Variants in FIG4 observed in about 807,000 individuals in gnomAD.
FIG4 encodes the protein polyphosphoinositide phosphatase.
A neutral mutation model predicts 118.6 loss-of-function variants in FIG4; 112 were observed. That is an observed-to-expected ratio of 0.94 (90% confidence interval 0.81 to 1.11). The LOEUF (loss-of-function observed/expected upper bound fraction) is 1.11, where lower values mean the gene tolerates loss of function less well. FIG4 is among the 50% of genes least tolerant of loss of function. The probability of loss-of-function intolerance (pLI) is 0.00; values close to 1 mark genes in which losing one functional copy is unlikely to be tolerated. For missense variants in FIG4, 969 were observed against 1,111.7 expected, an observed-to-expected ratio of 0.87 and a Z score of 1.83; for synonymous variants, 369 against 381.2, an observed-to-expected ratio of 0.97 and a Z score of 0.37.
At chr6:109,813,899 A>G (rs1778788240) in intron 22 of FIG4, among the ~76,000 whole-genome samples, 1 of 152,194 alleles carries the variant, frequency 6.6e-6, no homozygotes, top group Non-Finnish European at 1.5e-5. Context: ...AGGATGCTCC[A>G]GCCTCCGTTA....
intron 22 of FIG4, among the ~76,000 whole-genome samples, chr6:109,824,724 C>A (rs1436695276): frequency 1.3e-5 from 2 of 152,252 alleles, no homozygotes; most frequent in African/African-American, 2.4e-5. Flanking sequence ...CCAGTGAGTC[C>A]CTAGCGTGTG....
intron 12 of FIG4, among the ~76,000 whole-genome samples, chr6:109,763,607 A>G (rs1035899961): frequency 6.6e-6 from 1 of 152,242 alleles, no homozygotes; most frequent in Non-Finnish European, 1.5e-5. Flanking sequence ...ATTATTATTC[A>G]TGTGTATAGA....
At chr6:109,808,446 C>T (rs969252845) in intron 22 of FIG4, among the ~76,000 whole-genome samples, 2 of 149,148 alleles carry the variant, frequency 1.3e-5, no homozygotes, top group African/African-American at 4.9e-5. Flanking sequence ...AATATCAACA[C>T]TTGAATGCAT....
At chr6:109,747,968 G>A (rs1415480520) in intron 10 of FIG4, among the ~76,000 whole-genome samples, 1 of 152,038 alleles carries the variant, frequency 6.6e-6, no homozygotes, top group Non-Finnish European at 1.5e-5. Flanking sequence ...TTTTAATGGA[G>A]AGACAGAAAA....
chr6:109,743,297 A>G, intron 9 of FIG4, 25 bp downstream of exon 9: 4 of 1,602,510 alleles, frequency 2.5e-6, no homozygotes, highest in Non-Finnish European at 3.4e-6. Flanking sequence ...GTTTTTAATA[A>G]TAACTCCTGT....
chr6:109,732,645 G>A lies in FIG4; in HGVS notation c.455G>A (p.Arg152Gln). ...TGTTTTTTTTTTTTTAGGTATCTAC[G>A]AATATTTCAAAATGTGGACCTATCT... ...VTHPDEARYLRIFQNVDLSSN... is the reference protein window; with the variant it reads ...VTHPDEARYLQIFQNVDLSSN... Residue 152 changes from arginine (R) to glutamine (Q), a missense_variant, in exon 5 of 23, where the codon CGA becomes CAA. Physicochemically the swap from Arg to Gln is conservative, Grantham distance 43 (BLOSUM62 1). This residue lies in a region of FIG4 where 393 missense variants were observed against 409.4 expected (regional missense o/e 0.96). Transcript: ENST00000230124. 1.4e-6 allele frequency: 2 copies of A among 1,419,022 alleles called. No homozygotes were observed. The highest frequency in any genetic ancestry group is 1.4e-5 in the African/African-American group (1 of 69,970). The allele number at this position is 1,419,022 out of a possible 1,614,324, so 87.9% of individuals were successfully genotyped here. A position where few individuals can be genotyped will look rare whatever the true frequency, so the allele number is the denominator to read the frequency against.
At chr6:109,751,840 T>C (rs1376408479) in intron 10 of FIG4, among the ~76,000 whole-genome samples, 1 of 151,640 alleles carries the variant, frequency 6.6e-6, no homozygotes, top group African/African-American at 2.4e-5. Flanking sequence ...TTTTTCTTTT[T>C]TTTTATTATT....
intron 22 of FIG4, among the ~76,000 whole-genome samples, chr6:109,808,223 G>A (rs1778622247): frequency 6.6e-6 from 1 of 152,016 alleles, no homozygotes; most frequent in African/African-American, 2.4e-5. Context: ...AAGGTGGTCT[G>A]CAAAACCCTC....
chr6:109,799,838 C>T (rs1405627682), intron 22 of FIG4, among the ~76,000 whole-genome samples: 1 of 152,144 alleles, frequency 6.6e-6, no homozygotes, highest in Non-Finnish European at 1.5e-5. Flanking sequence ...CCAAACTGGT[C>T]AATGTCTGTA....
intron 15 of FIG4, among the ~76,000 whole-genome samples, chr6:109,771,800 CT>C (rs1777473537): frequency 6.6e-6 from 1 of 152,052 alleles, no homozygotes; most frequent in Non-Finnish European, 1.5e-5. Context: ...GAAACCTTGC[CT>C]TTTTCTTTGA....
At position 109,790,821 on chromosome 6, in the gene FIG4, A is replaced by G. The variant is rs143269541; in HGVS notation, c.2181-555A>G. On this transcript the variant is annotated intron_variant, in intron 19 of 22. Coordinates refer to ENST00000230124, the MANE Select transcript of FIG4 (RefSeq NM_014845.6). The stretch of plus-strand genomic sequence containing the variant: ...TAAGTGTAGGGTTTTCCCCCCTTCT[A>G]TTCCCTACTATTAAAGGGAATGTTC... Among the ~76,000 whole-genome samples, 542 of 152,274 alleles carry G rather than the reference A, an allele frequency of 3.6e-3. 3 individuals are homozygous for G. The highest frequency in any genetic ancestry group is 0.012 in the African/African-American group (490 of 41,540).
rs201533992 is a variant in FIG4 at position 109,796,748 on chromosome 6, T to C, written c.2460-17T>C. The C allele has an allele frequency of 2.2e-5, 33 of 1,479,472 alleles. No homozygotes were observed. Among genetic ancestry groups the C allele is most frequent in the South Asian group, 4.5e-5 (4 of 88,466 alleles). 91.6% of individuals were successfully genotyped at this position (1,479,472 alleles called of 1,614,324 possible). ...TACTCCCTTCTTTAGCTGACTCTTA[T>C]CCATTGTAATTTGTAGATTTGTTCA... On this transcript the variant is annotated splice_polypyrimidine_tract_variant and intron_variant, in intron 21 of 22. Transcript: ENST00000230124.
intron 22 of FIG4, among the ~76,000 whole-genome samples, chr6:109,817,717 T>C (rs952869944): frequency 6.6e-5 from 10 of 152,108 alleles, no homozygotes; most frequent in African/African-American, 2.4e-4. Context: ...GGAGCAAACA[T>C]ACATGTGCTC....
At position 109,691,302 on chromosome 6, in the gene FIG4, C is replaced by G. The variant is rs560811735; in HGVS notation, c.-134C>G. The G allele has an allele frequency of 4.0e-6, 3 of 753,106 alleles. No homozygotes were observed. Among genetic ancestry groups the G allele is most frequent in the Admixed American group, 4.1e-5 (2 of 49,286 alleles). The allele number at this position is 753,106 out of a possible 1,614,324, so 46.7% of individuals were successfully genotyped here. A position where few individuals can be genotyped will look rare whatever the true frequency, so the allele number is the denominator to read the frequency against. Reference sequence around the variant, plus strand: ...CAGGGATCCGGAAACACCTGATCATCTATAGGTTTAGTGCCTAATGGGTGT... The same window carrying G: ...CAGGGATCCGGAAACACCTGATCATGTATAGGTTTAGTGCCTAATGGGTGT... On this transcript the variant is annotated 5_prime_UTR_variant, in exon 1 of 23. It adds an upstream start codon to the 5' untranslated region. Transcript: ENST00000230124.
intron 1 of FIG4, among the ~76,000 whole-genome samples, chr6:109,704,934 C>G (rs1029328006): frequency 2.6e-5 from 4 of 151,966 alleles, no homozygotes; most frequent in African/African-American, 9.7e-5. Flanking sequence ...TTATGTGTTA[C>G]GATACCTGCA....
Position 109,715,149 on chromosome 6 carries a change from A to G in FIG4, c.138A>G (p.Pro46=), listed in dbSNP as rs1229102361. 2.5e-6 allele frequency: 4 copies of G among 1,605,690 alleles called. No individual in the cohort carries two copies. Among genetic ancestry groups the G allele is most frequent in the Middle Eastern group, 1.7e-4 (1 of 6,042 alleles). ...YRVLKIDRTE[P]KDLVIIDDRH... The stretch of plus-strand genomic sequence containing the variant: ...TCTTGAAGATTGATAGAACAGAACC[A>G]AAAGATTTGGTCATAATTGATGACA... The change falls in exon 2 of 23, where the codon CCA becomes CCG. Residue 46 remains proline (P), a synonymous_variant. Transcript: ENST00000230124.
intron 10 of FIG4, among the ~76,000 whole-genome samples, chr6:109,756,937 G>T (rs149452837): frequency 1.3e-5 from 2 of 152,042 alleles, no homozygotes; most frequent in East Asian, 3.8e-4. Context: ...TTCTCAACTC[G>T]TCAAAGTCAT....
intron 2 of FIG4, 52 bp downstream of exon 2, chr6:109,715,228 A>G: frequency 2.3e-6 from 2 of 861,502 alleles, no homozygotes; most frequent in Non-Finnish European, 4.0e-6. Context: ...CTGTTGTTTA[A>G]AGGACATGAA....
At chr6:109,728,449 G>T (rs1323850517) in intron 4 of FIG4, among the ~76,000 whole-genome samples, 1 of 152,090 alleles carries the variant, frequency 6.6e-6, no homozygotes, top group Admixed American at 6.6e-5. Flanking sequence ...ATATTATGAA[G>T]ATTAAAATGG....
Sources: allele counts gnomAD v4.1 joint callset (sites outside exome capture counted in the v4.1 genomes callset), GRCh38; gene constraint gnomAD v4.1.1; regional missense constraint gnomAD v4.1.1; transcripts MANE v1.5; gene names NCBI Gene and HGNC (gene_info 2026-07-23, HGNC 2026-07-21).